The following HTR2C variants were observed in gnomAD, a reference collection of about 807,000 sequenced individuals.
HTR2C encodes the protein 5-hydroxytryptamine (serotonin) receptor 2C, G protein-coupled.
A neutral mutation model predicts 21.0 loss-of-function variants in HTR2C; 5 were observed. That is an observed-to-expected ratio of 0.24 (90% CI 0.12 to 0.50). HTR2C has a LOEUF of 0.50. HTR2C is among the 20% of genes least tolerant of loss of function. HTR2C has a pLI of 0.98. For missense variants in HTR2C, 271 were observed against 371.2 expected, an observed-to-expected ratio of 0.73 and a Z score of 2.22; for synonymous variants, 150 against 145.3, an observed-to-expected ratio of 1.03 and a Z score of -0.23.
intron 1 of HTR2C, among the ~76,000 whole-genome samples, chrX:114,613,023 G>A (rs1236417760): frequency 1.8e-5 from 2 of 109,326 alleles, no homozygotes; most frequent in East Asian, 2.9e-4. Flanking sequence ...TGCAACTTCC[G>A]CCTCCCGGGT....
intron 5 of HTR2C, among the ~76,000 whole-genome samples, chrX:114,867,174 C>T (rs2071052444): frequency 9.0e-6 from 1 of 111,618 alleles, no homozygotes; most frequent in South Asian, 3.8e-4. Context: ...TTGTTATTGC[C>T]TGACTTTTGG....
chrX:114,855,066 G>T (rs1215513549), intron 5 of HTR2C, among the ~76,000 whole-genome samples: 1 of 111,551 alleles, frequency 9.0e-6, no homozygotes, highest in Admixed American at 9.5e-5. Flanking sequence ...TCTCATCTCT[G>T]TTTTTTTCAT....
At chrX:114,696,931 T>G (rs1417048493) in intron 2 of HTR2C, among the ~76,000 whole-genome samples, 1 of 111,641 alleles carries the variant, frequency 9.0e-6, no homozygotes, top group African/African-American at 3.2e-5. Context: ...AAAAACATAA[T>G]AATCCTGCCA....
At chrX:114,650,046 CA>C (rs1224930214) in intron 2 of HTR2C, among the ~76,000 whole-genome samples, 6 of 112,077 alleles carry the variant, frequency 5.4e-5, no homozygotes, top group African/African-American at 1.9e-4. Context: ...ACAGAAATAG[CA>C]TGAGCTTGAC....
At chrX:114,853,415 G>A (rs2070935494) in intron 5 of HTR2C, among the ~76,000 whole-genome samples, 2 of 111,212 alleles carry the variant, frequency 1.8e-5, no homozygotes, top group African/African-American at 6.5e-5. Flanking sequence ...TATGTTGAGA[G>A]TAATGGCAAC....
chrX:114,835,525 G>T (rs1486826377), intron 4 of HTR2C, among the ~76,000 whole-genome samples: 3 of 109,885 alleles, frequency 2.7e-5, no homozygotes, highest in South Asian at 4.0e-4. Flanking sequence ...GCATTCTTCA[G>T]GTAGTTCTCG....
At chrX:114,730,538 G>A (rs1556422994) in intron 3 of HTR2C, among the ~76,000 whole-genome samples, 1 of 111,635 alleles carries the variant, frequency 9.0e-6, no homozygotes, top group African/African-American at 3.3e-5. Flanking sequence ...AATTGAACCA[G>A]CATAATGGCA....
chrX:114,609,669 TTAAA>T (rs1265612784), intron 1 of HTR2C, among the ~76,000 whole-genome samples: 1 of 111,743 alleles, frequency 8.9e-6, no homozygotes, highest in Admixed American at 9.6e-5. Flanking sequence ...TTAAGAAAAT[TTAAA>T]TAAATAAAGA....
At chrX:114,847,046 A>AT (rs201739933) in intron 4 of HTR2C, among the ~76,000 whole-genome samples, 1,899 of 111,420 alleles carry the variant, frequency 0.017, 25 homozygotes, top group Non-Finnish European at 0.028. Context: ...AAAAACCTCA[A>AT]TTGATAACAG....
At chrX:114,823,383 A>G (rs974583955) in intron 4 of HTR2C, 11 of 336,448 alleles carry the variant, frequency 3.3e-5, no homozygotes, top group African/African-American at 2.7e-4. Context: ...TTACACAGAG[A>G]AGCATCAATC....
At chrX:114,584,712 G>A (rs1927314668) in intron 1 of HTR2C, 53 bp downstream of exon 1, 1 of 111,829 alleles carries the variant, frequency 8.9e-6, no homozygotes, top group African/African-American at 3.3e-5. Context: ...CGATTTAGGC[G>A]GGGGATGGGG....
intron 2 of HTR2C, among the ~76,000 whole-genome samples, chrX:114,638,208 A>T (rs2147822768): frequency 8.9e-6 from 1 of 112,031 alleles, no homozygotes; most frequent in African/African-American, 3.2e-5. Context: ...TGCCCCAAAC[A>T]ATGTAGTAAA....
intron 2 of HTR2C, among the ~76,000 whole-genome samples, chrX:114,651,885 T>C (rs1415226423): frequency 3.6e-5 from 4 of 111,961 alleles, no homozygotes; most frequent in Non-Finnish European, 7.5e-5. Flanking sequence ...GTTAGAAGCA[T>C]TCTTTTAATA....
intron 5 of HTR2C, among the ~76,000 whole-genome samples, chrX:114,874,197 T>C (rs1310597099): frequency 1.8e-5 from 2 of 111,230 alleles, no homozygotes; most frequent in African/African-American, 6.5e-5. Context: ...GTTGGACACT[T>C]AGGTTGATTC....
intron 2 of HTR2C, among the ~76,000 whole-genome samples, chrX:114,656,576 A>C (rs1476597366): frequency 9.0e-6 from 1 of 111,474 alleles, no homozygotes; most frequent in African/African-American, 3.2e-5. Flanking sequence ...CCAGAGAGAC[A>C]GAGAGTCTTT....
chrX:114,705,020 AAGG>A (rs1380097724), intron 2 of HTR2C, among the ~76,000 whole-genome samples: 2 of 107,250 alleles, frequency 1.9e-5, no homozygotes, highest in African/African-American at 6.8e-5. Flanking sequence ...GGACCTCTTC[AAGG>A]AGAACTACAA....
intron 1 of HTR2C, among the ~76,000 whole-genome samples, chrX:114,588,115 C>T (rs782722893): frequency 5.4e-5 from 6 of 112,089 alleles, no homozygotes; most frequent in South Asian, 7.4e-4. Flanking sequence ...AAAATAGTTG[C>T]GTATTATAGC....
intron 2 of HTR2C, among the ~76,000 whole-genome samples, chrX:114,646,384 G>T (rs1930361638): frequency 9.0e-6 from 1 of 111,515 alleles, no homozygotes; most frequent in South Asian, 3.7e-4. Flanking sequence ...CTAATCCATA[G>T]AATAAATTTT....
chrX:114,759,548 A>C (rs1451722358), intron 4 of HTR2C, among the ~76,000 whole-genome samples: 3 of 112,151 alleles, frequency 2.7e-5, no homozygotes, highest in Non-Finnish European at 5.6e-5. Context: ...ATTAAATGAA[A>C]ATTTGGCTTA....
Sources: gnomAD v4.1 joint callset for allele counts (sites outside exome capture counted in the v4.1 genomes callset) on GRCh38, gnomAD v4.1.1 for gene constraint, MANE v1.5 for transcripts, NCBI Gene and HGNC (gene_info 2026-07-23, HGNC 2026-07-21) for gene names.